Variants in TSPAN8 observed in about 807,000 individuals in gnomAD.
The protein encoded by TSPAN8 is tetraspanin 8, also known as tetraspanin-8.
A neutral mutation model predicts 32.8 loss-of-function variants in TSPAN8; 21 were observed. That is an observed-to-expected ratio of 0.64 (90% CI 0.45 to 0.92). TSPAN8 has a LOEUF of 0.92. Among genes scored for constraint, TSPAN8 ranks in the 40% least tolerant of loss-of-function variants. The probability of loss-of-function intolerance (pLI) is 0.00; values close to 1 mark genes in which losing one functional copy is unlikely to be tolerated. For synonymous variants in TSPAN8, 95 were observed against 94.6 expected (o/e 1.00, Z -0.03); for missense variants, 269 against 281.9 (o/e 0.95, Z 0.33).
chr12:71,140,193 A>G (rs1871858002), intron 3 of TSPAN8, among the ~76,000 whole-genome samples: 1 of 152,190 alleles, frequency 6.6e-6, no homozygotes, highest in Non-Finnish European at 1.5e-5. Context: ...TTATAAAAGC[A>G]TGTGTTGTTA....
chr12:71,139,989 A>G, intron 3 of TSPAN8, 141 bp from the exon 4 acceptor site: 1 of 607,276 alleles, frequency 1.6e-6, no homozygotes. Flanking sequence ...CTTAAAAAGT[A>G]CAAATCCTTG....
chr12:71,146,680 C>T (rs1466313689), intron 2 of TSPAN8, among the ~76,000 whole-genome samples: 1 of 152,172 alleles, frequency 6.6e-6, no homozygotes, highest in Non-Finnish European at 1.5e-5. Context: ...TGCTTCTGGT[C>T]TCTCTTTGAG....
chr12:71,130,363 G>T (rs566724452), intron 7 of TSPAN8, among the ~76,000 whole-genome samples: 2 of 152,156 alleles, frequency 1.3e-5, no homozygotes, highest in African/African-American at 4.8e-5. Flanking sequence ...ATAAAAAAGA[G>T]AAATTAGGAA....
At chr12:71,151,652 C>G (rs1764194825) in intron 2 of TSPAN8, among the ~76,000 whole-genome samples, 1 of 152,180 alleles carries the variant, frequency 6.6e-6, no homozygotes, top group African/African-American at 2.4e-5. Context: ...ACCTGTGCAT[C>G]CATTTGAAAA....
At chr12:71,147,204 G>GA (rs1189484092) in intron 2 of TSPAN8, among the ~76,000 whole-genome samples, 5 of 151,350 alleles carry the variant, frequency 3.3e-5, no homozygotes, top group South Asian at 4.2e-4. Context: ...AAAATATCAG[G>GA]AAAAAAAAGG....
At chr12:71,126,697 A>C (rs11178640) in intron 8 of TSPAN8, among the ~76,000 whole-genome samples, 2,208 of 152,136 alleles carry the variant, frequency 0.015, 35 homozygotes, top group East Asian at 0.052. Context: ...TAACTGCTTT[A>C]TTTCTAGGAC....
intron 8 of TSPAN8, among the ~76,000 whole-genome samples, chr12:71,128,654 TTA>T (rs1871418198): frequency 6.6e-6 from 1 of 150,582 alleles, no homozygotes; most frequent in East Asian, 2.0e-4. Context: ...TTTTTTTTTT[TTA>T]AAAAAAAAAC....
At position 71,155,736 on chromosome 12, in the gene TSPAN8, A is replaced by ATTT. The variant is rs200596815; in HGVS notation, c.60+1880_60+1882dup. Among the ~76,000 whole-genome samples the ATTT allele has an allele frequency of 3.1e-4, 46 of 148,120 alleles. 1 individual carries two copies. Among genetic ancestry groups the ATTT allele is most frequent in the Admixed American group, 2.2e-3 (33 of 14,884 alleles). On this transcript the variant is annotated intron_variant, in intron 2 of 8. Transcript: ENST00000247829. The stretch of plus-strand genomic sequence containing the variant: ...AGTGTAATAATGATATTGTGGTAAC[A>ATTT]TTTTTTTTTTTCTGAGATGGAATCT...
In TSPAN8 at chr12:71,149,385, A is replaced by G. The variant is rs186445044; in HGVS notation, c.61-5172T>C. ...CTCTTGTCTCAAAAAAAAAAAAAAA[A>G]AGAGTAGAATGTGCATTCCCTTTAC... is the stretch of plus-strand genomic sequence containing the variant. On this transcript the variant is annotated intron_variant, in intron 2 of 8. Transcript: ENST00000247829. Among the ~76,000 whole-genome samples the G allele has an allele frequency of 7.9e-3, 1,202 of 152,086 alleles. 45 individuals are homozygous for G. The highest frequency in any genetic ancestry group is 0.053 in the Admixed American group (812 of 15,266).
chr12:71,149,590 T>C (rs1705234), intron 2 of TSPAN8, among the ~76,000 whole-genome samples: 93,795 of 152,094 alleles, frequency 0.62, 30,612 homozygotes, highest in African/African-American at 0.83. Flanking sequence ...ACAGAGGGAC[T>C]GGCTGGAGCC....
At chr12:71,135,701 G>A (rs1871675110) in intron 6 of TSPAN8, among the ~76,000 whole-genome samples, 1 of 152,106 alleles carries the variant, frequency 6.6e-6, no homozygotes, top group Non-Finnish European at 1.5e-5. Flanking sequence ...AGAAACCCAG[G>A]ATTGGCATGG....
intron 6 of TSPAN8, among the ~76,000 whole-genome samples, chr12:71,134,857 G>C (rs2137049094): frequency 6.6e-6 from 1 of 152,312 alleles, no homozygotes; most frequent in South Asian, 2.1e-4. Context: ...ACGATATCAA[G>C]TCACTACATC....
chr12:71,135,233 AGG>A (rs1565784130), intron 6 of TSPAN8, among the ~76,000 whole-genome samples: 5,588 of 66,292 alleles, frequency 0.084, 254 homozygotes, highest in East Asian at 0.4. Flanking sequence ...AAGAAGAAGG[AGG>A]AGGAGGAGGA....
chr12:71,128,072 C>T (rs1400914882), intron 8 of TSPAN8, among the ~76,000 whole-genome samples: 1 of 152,134 alleles, frequency 6.6e-6, no homozygotes, highest in African/African-American at 2.4e-5. Flanking sequence ...TTACAAAATG[C>T]AGAATCAAGA....
chr12:71,140,698 A>G (rs1871876695), intron 3 of TSPAN8, among the ~76,000 whole-genome samples: 2 of 152,218 alleles, frequency 1.3e-5, no homozygotes, highest in African/African-American at 4.8e-5. Context: ...CATCACCCTC[A>G]TAACACTTAG....
chr12:71,130,046 G>C (rs1286642828), intron 7 of TSPAN8, among the ~76,000 whole-genome samples: 1 of 150,698 alleles, frequency 6.6e-6, no homozygotes, highest in Non-Finnish European at 1.5e-5. Flanking sequence ...TTGACTTCCT[G>C]GGCTCAAGTG....
chr12:71,144,652 A>C (rs1366946599), intron 2 of TSPAN8, among the ~76,000 whole-genome samples: 1 of 152,202 alleles, frequency 6.6e-6, no homozygotes, highest in Non-Finnish European at 1.5e-5. Context: ...CATTCATTTA[A>C]GATTCGACAG....
intron 2 of TSPAN8, among the ~76,000 whole-genome samples, chr12:71,155,282 C>T (rs1872389921): frequency 1.3e-5 from 2 of 152,132 alleles, no homozygotes; most frequent in African/African-American, 2.4e-5. Context: ...CCATCAATGG[C>T]TACGAACGTC....
Position 71,139,861 on chromosome 12 carries a change from A to G in TSPAN8, c.124-13T>C. ...CAGAACCAAAAATCTGAAGTAAAAA[A>G]GAGATTAATGGCAGAAAATTTATTT... On this transcript the variant is annotated splice_polypyrimidine_tract_variant and intron_variant, in intron 3 of 8. Transcript: ENST00000247829. The G allele has an allele frequency of 6.2e-7, 1 of 1,600,430 alleles. No individual in the cohort carries two copies. Among genetic ancestry groups the G allele is most frequent in the Non-Finnish European group, 8.5e-7 (1 of 1,174,692 alleles).
Sources: allele counts gnomAD v4.1 joint callset (sites outside exome capture counted in the v4.1 genomes callset), GRCh38; gene constraint gnomAD v4.1.1; transcripts MANE v1.5; gene names NCBI Gene and HGNC (gene_info 2026-07-23, HGNC 2026-07-21).